CLVS1: variants seen among roughly 807,000 people sequenced by gnomAD.
CLVS1 encodes the protein clavesin-1.
In CLVS1, 10 loss-of-function variants were observed where a neutral mutation model predicts 33.1. The ratio of observed to expected loss-of-function variants is 0.30; its 90% confidence interval spans 0.19 to 0.51. The LOEUF (loss-of-function observed/expected upper bound fraction) is 0.51. Ranked by LOEUF, CLVS1 falls within the 20% of genes least tolerant of loss-of-function variation. The probability of loss-of-function intolerance (pLI) is 0.97; values close to 1 mark genes in which losing one functional copy is unlikely to be tolerated. For synonymous variants in CLVS1, 163 were observed against 166.1 expected, an observed-to-expected ratio of 0.98 and a Z score of 0.14; for missense variants, 343 against 433.4, an observed-to-expected ratio of 0.79 and a Z score of 1.85.
intron 3 of CLVS1, among the ~76,000 whole-genome samples, chr8:61,419,934 G>A (rs1585946123): frequency 6.6e-6 from 1 of 152,282 alleles, no homozygotes; most frequent in Admixed American, 6.5e-5. Context: ...TCACCTATTA[G>A]CATTATTAAA....
intron 3 of CLVS1, among the ~76,000 whole-genome samples, chr8:61,439,866 A>G (rs1006521839): frequency 2.0e-5 from 3 of 152,204 alleles, no homozygotes; most frequent in Non-Finnish European, 2.9e-5. Flanking sequence ...ACTAAGAAAC[A>G]TGTAGGGACC....
the CLVS1 span, among the ~76,000 whole-genome samples, chr8:60,974,201 T>A: frequency 6.6e-6 from 1 of 152,236 alleles, no homozygotes; most frequent in Non-Finnish European, 1.5e-5. Flanking sequence ...TAGTTTTTTT[T>A]AAGCCTCTGT....
chr8:61,090,472 C>T (rs1255304808), intron 1 of CLVS1, among the ~76,000 whole-genome samples: 2 of 151,912 alleles, frequency 1.3e-5, no homozygotes, highest in African/African-American at 2.4e-5. Context: ...TCCCAAAATT[C>T]GATAGGCAGA....
chr8:61,479,586 C>G (rs565297309), intron 5 of CLVS1, among the ~76,000 whole-genome samples: 1 of 152,300 alleles, frequency 6.6e-6, no homozygotes, highest in African/African-American at 2.4e-5. Context: ...CTCAACTCGT[C>G]AAAGTCATTC....
chr8:61,103,233 G>A (rs1805482056), intron 1 of CLVS1, among the ~76,000 whole-genome samples: 1 of 152,092 alleles, frequency 6.6e-6, no homozygotes, highest in South Asian at 2.1e-4. Flanking sequence ...CTTGGCCACT[G>A]GTGAAGATCT....
At chr8:61,351,928 G>A (rs1001470962) in intron 2 of CLVS1, among the ~76,000 whole-genome samples, 19 of 112,944 alleles carry the variant, frequency 1.7e-4, no homozygotes, top group East Asian at 1.4e-3. Flanking sequence ...CTTAAAAGCC[G>A]GCAAAGAAAT....
intron 2 of CLVS1, among the ~76,000 whole-genome samples, chr8:61,331,823 T>TCTTCCTCCACCTCCTCC (rs1563499886): frequency 1.4e-5 from 2 of 141,986 alleles, no homozygotes; most frequent in African/African-American, 5.2e-5. Context: ...CCTCCTCCTC[T>TCTTCCTCCACCTCCTCC]TCCTCCTCCT....
intron 2 of CLVS1, among the ~76,000 whole-genome samples, chr8:61,332,920 C>A (rs1255359193): frequency 1.3e-5 from 2 of 152,216 alleles, no homozygotes; most frequent in East Asian, 3.9e-4. Context: ...CAGGCTTGAG[C>A]CACCGTGCCT....
chr8:61,384,897 G>A (rs909163002), intron 3 of CLVS1, among the ~76,000 whole-genome samples: 24 of 152,244 alleles, frequency 1.6e-4, no homozygotes, highest in African/African-American at 5.1e-4. Flanking sequence ...TGGGGAGATC[G>A]GGACAGGAAG....
chr8:61,129,754 T>G (rs1476142923), intron 1 of CLVS1, among the ~76,000 whole-genome samples: 1 of 152,212 alleles, frequency 6.6e-6, no homozygotes, highest in East Asian at 1.9e-4. Context: ...GTGATCTGGC[T>G]ACCTTTTAAT....
chr8:60,983,324 A>G, the CLVS1 span, among the ~76,000 whole-genome samples: 2 of 152,196 alleles, frequency 1.3e-5, no homozygotes, highest in Non-Finnish European at 2.9e-5. Context: ...CATGCACGTT[A>G]TTTTAATTAA....
intron 3 of CLVS1, among the ~76,000 whole-genome samples, chr8:61,382,039 TTC>T (rs1813899512): frequency 6.6e-6 from 1 of 152,216 alleles, no homozygotes; most frequent in South Asian, 2.1e-4. Context: ...CCTTGGTTTA[TTC>T]TCTCTGGCTT....
At chr8:61,033,161 A>AAGAAAGAAAGAAAGAAAGAAAGAAG in the CLVS1 span, among the ~76,000 whole-genome samples, 1 of 92,130 alleles carries the variant, frequency 1.1e-5, no homozygotes, top group African/African-American at 4.4e-5. Context: ...GAAAGAAAGA[A>AAGAAAGAAAGAAAGAAAGAAAGAAG]AAAGAAAGAA....
chr8:61,182,863 C>A (rs1440865434), intron 2 of CLVS1, among the ~76,000 whole-genome samples: 1 of 148,210 alleles, frequency 6.7e-6, no homozygotes, highest in Non-Finnish European at 1.5e-5. Context: ...TTTATTGCAG[C>A]ACTATTTACA....
intron 2 of CLVS1, among the ~76,000 whole-genome samples, chr8:61,170,318 C>T (rs1459093627): frequency 6.6e-6 from 1 of 152,136 alleles, no homozygotes; most frequent in Admixed American, 6.6e-5. Context: ...CTGTCCCTCT[C>T]TCTCACTTTC....
chr8:61,253,984 C>T (rs769136009), intron 2 of CLVS1, among the ~76,000 whole-genome samples: 51 of 151,490 alleles, frequency 3.4e-4, no homozygotes, highest in South Asian at 4.2e-4. Context: ...CCTTTGGAGG[C>T]GGAGAGGCGC....
chr8:61,396,808 C>T (rs551123064), intron 3 of CLVS1, among the ~76,000 whole-genome samples: 2 of 152,326 alleles, frequency 1.3e-5, no homozygotes, highest in South Asian at 4.1e-4. Context: ...TCCTTTGTAA[C>T]TGGCTTCTTT....
chr8:61,350,183 T>G (rs1259442546), intron 2 of CLVS1, among the ~76,000 whole-genome samples: 1 of 152,138 alleles, frequency 6.6e-6, no homozygotes, highest in African/African-American at 2.4e-5. Context: ...AATTTAACCA[T>G]TACATAATAT....
intron 5 of CLVS1, among the ~76,000 whole-genome samples, chr8:61,463,541 G>A (rs903291831): frequency 6.6e-6 from 1 of 152,068 alleles, no homozygotes; most frequent in Non-Finnish European, 1.5e-5. Flanking sequence ...GCCATTGTAA[G>A]GTTATTAATT....
Sources: allele counts gnomAD v4.1 joint callset (sites outside exome capture counted in the v4.1 genomes callset), GRCh38; gene constraint gnomAD v4.1.1; transcripts MANE v1.5; gene names NCBI Gene and HGNC (gene_info 2026-07-23, HGNC 2026-07-21).